The following NDST4 variants were observed in gnomAD, a reference collection of about 807,000 sequenced individuals.
NDST4 encodes the protein N-deacetylase and N-sulfotransferase 4, also known as N-heparan sulfate sulfotransferase 4.
A neutral mutation model predicts 100.8 loss-of-function variants in NDST4; 63 were observed. The ratio of observed to expected loss-of-function variants is 0.62; its 90% CI spans 0.51 to 0.77. The LOEUF (loss-of-function observed/expected upper bound fraction) is 0.77, where lower values mean the gene tolerates loss of function less well. Among genes scored for constraint, NDST4 ranks in the 30% least tolerant of loss-of-function variants. The pLI is 0.00. For missense variants in NDST4, 943 were observed against 1,018.4 expected (o/e 0.93, Z 1.01); for synonymous variants, 377 against 361.8 (o/e 1.04, Z -0.48).
chr4:115,010,931 A>C (rs1404914906), intron 2 of NDST4, among the ~76,000 whole-genome samples: 1 of 152,112 alleles, frequency 6.6e-6, no homozygotes. Context: ...ATTTGATTAA[A>C]TACAATGTTG....
At chr4:115,014,802 T>A (rs542376805) in intron 2 of NDST4, among the ~76,000 whole-genome samples, 3 of 152,178 alleles carry the variant, frequency 2.0e-5, no homozygotes, top group African/African-American at 7.2e-5. Flanking sequence ...TTGGAAAACA[T>A]CTTTTGGCCT....
chr4:114,871,038 C>T, intron 6 of NDST4, 88 bp from the exon 7 acceptor site: 1 of 861,772 alleles, frequency 1.2e-6, no homozygotes, highest in Non-Finnish European at 1.7e-6. Context: ...CCTCACCTCA[C>T]CTTGGAATTT....
intron 8 of NDST4, among the ~76,000 whole-genome samples, chr4:114,850,642 A>G (rs1723656467): frequency 6.6e-6 from 1 of 152,170 alleles, no homozygotes; most frequent in Non-Finnish European, 1.5e-5. Flanking sequence ...AAACTATTCT[A>G]TTTTATATAC....
chr4:115,022,428 G>GTGTTCCATATATATGTGTTCCATATATA (rs1727870461), intron 2 of NDST4, among the ~76,000 whole-genome samples: 2 of 59,916 alleles, frequency 3.3e-5, no homozygotes, highest in Non-Finnish European at 4.5e-5. Context: ...CCATATATAT[G>GTGTTCCATATATATGTGTTCCATATATA]TGTTCCATAT....
chr4:115,049,870 A>G lies in NDST4; in HGVS notation c.978+26189T>C, dbSNP rs542615143. On this transcript the variant is annotated intron_variant, in intron 2 of 13. Coordinates refer to ENST00000264363, the MANE Select transcript of NDST4 (RefSeq NM_022569.3). ...TGTGCTATCTTGGTTACATCCACAC[A>G]AAATAATCAATTTGTAGTTTTGCAG... Among the ~76,000 whole-genome samples, 4 of 152,278 alleles carry G rather than the reference A, an allele frequency of 2.6e-5. No homozygotes were observed. In the East Asian group the frequency reaches 7.7e-4, roughly 29 times the overall value.
chr4:115,085,666 T>C (rs1729395660), intron 1 of NDST4, among the ~76,000 whole-genome samples: 1 of 152,160 alleles, frequency 6.6e-6, no homozygotes, highest in Non-Finnish European at 1.5e-5. Flanking sequence ...CCTGCCACCC[T>C]GTAATGAGAT....
intron 6 of NDST4, among the ~76,000 whole-genome samples, chr4:114,914,368 C>T (rs1425391522): frequency 6.6e-6 from 1 of 151,970 alleles, no homozygotes; most frequent in Non-Finnish European, 1.5e-5. Context: ...AGGACAGATA[C>T]CCTATTTTAC....
chr4:114,899,964 C>T (rs1724800067), intron 6 of NDST4, among the ~76,000 whole-genome samples: 2 of 152,056 alleles, frequency 1.3e-5, no homozygotes, highest in Non-Finnish European at 2.9e-5. Flanking sequence ...CCCACTTGGC[C>T]TAGTGATCTT....
intron 2 of NDST4, among the ~76,000 whole-genome samples, chr4:115,039,625 G>T (rs1728306939): frequency 6.6e-6 from 1 of 151,988 alleles, no homozygotes; most frequent in South Asian, 2.1e-4. Context: ...TAAAAAATTT[G>T]CATCGTCTAA....
intron 4 of NDST4, among the ~76,000 whole-genome samples, chr4:114,949,606 A>G (rs1384721020): frequency 6.6e-6 from 1 of 152,038 alleles, no homozygotes; most frequent in Non-Finnish European, 1.5e-5. Flanking sequence ...GGGACCATAC[A>G]GCAGGTTAGA....
intron 6 of NDST4, among the ~76,000 whole-genome samples, chr4:114,934,770 A>G (rs1350977326): frequency 2.1e-5 from 3 of 144,380 alleles, no homozygotes; most frequent in Admixed American, 2.0e-4. Flanking sequence ...TACAAAAATA[A>G]TAAGAATGAG....
At chr4:115,110,534 A>G (rs1223046213) in intron 1 of NDST4, among the ~76,000 whole-genome samples, 2 of 152,068 alleles carry the variant, frequency 1.3e-5, no homozygotes, top group Non-Finnish European at 2.9e-5. Flanking sequence ...GTGTATCTTT[A>G]CTGTAAATTT....
At chr4:115,002,530 T>A (rs1194659440) in intron 2 of NDST4, among the ~76,000 whole-genome samples, 1 of 152,206 alleles carries the variant, frequency 6.6e-6, no homozygotes, top group Non-Finnish European at 1.5e-5. Flanking sequence ...TGGGCTTTTG[T>A]TGCAATTGCT....
intron 4 of NDST4, among the ~76,000 whole-genome samples, chr4:114,969,603 T>A (rs1485960506): frequency 6.6e-6 from 1 of 152,194 alleles, no homozygotes; most frequent in Non-Finnish European, 1.5e-5. Context: ...TGCTTAGGAT[T>A]ATGGCCTCTA....
chr4:115,044,102 A>C (rs1560578246), intron 2 of NDST4, among the ~76,000 whole-genome samples: 2 of 152,142 alleles, frequency 1.3e-5, no homozygotes, highest in South Asian at 2.1e-4. Context: ...TTAGTTTGAA[A>C]GGCATTTATT....
chr4:114,877,780 T>C (rs1378250198), intron 6 of NDST4, among the ~76,000 whole-genome samples: 3 of 152,050 alleles, frequency 2.0e-5, no homozygotes, highest in African/African-American at 7.2e-5. Context: ...AAACCCCATC[T>C]CTACTACAAA....
chr4:115,039,518 G>A (rs534846001), intron 2 of NDST4, among the ~76,000 whole-genome samples: 3 of 152,236 alleles, frequency 2.0e-5, no homozygotes, highest in African/African-American at 7.2e-5. Context: ...AAAGATGTGT[G>A]TGCATTATTC....
intron 1 of NDST4, among the ~76,000 whole-genome samples, chr4:115,091,077 T>C (rs1442592788): frequency 2.6e-5 from 4 of 152,174 alleles, no homozygotes; most frequent in African/African-American, 9.6e-5. Flanking sequence ...TTTTGTGAAC[T>C]TTTAAGGTCT....
intron 6 of NDST4, among the ~76,000 whole-genome samples, chr4:114,895,057 C>T (rs991302713): frequency 2.0e-5 from 3 of 151,954 alleles, no homozygotes; most frequent in Non-Finnish European, 2.9e-5. Flanking sequence ...AATCAATACC[C>T]TAAATTCACA....
Sources: gnomAD v4.1 joint callset for allele counts (sites outside exome capture counted in the v4.1 genomes callset) on GRCh38, gnomAD v4.1.1 for gene constraint, MANE v1.5 for transcripts, NCBI Gene and HGNC (gene_info 2026-07-23, HGNC 2026-07-21) for gene names.